ANO7: variants seen among roughly 807,000 people sequenced by gnomAD.
ANO7 encodes the protein anoctamin 7, also known as anoctamin-7.
ANO7 carries 114 observed loss-of-function variants against 115.8 expected under a neutral mutation model. The ratio of observed to expected loss-of-function variants is 0.98; its 90% CI spans 0.85 to 1.15. The LOEUF is 1.15. Ranked by LOEUF, ANO7 falls within the 50% of genes most tolerant of loss-of-function variation. The pLI is 0.00. For synonymous variants in ANO7, 550 were observed against 498.2 expected (o/e 1.10, Z -1.38); for missense variants, 1,302 against 1,201.2 (o/e 1.08, Z -1.24).
chr2:241,228,660 A>T (rs1237455731), downstream of ANO7: 1 of 152,648 alleles, frequency 6.6e-6, no homozygotes, highest in Non-Finnish European at 1.5e-5. Context: ...GGTGGCACTA[A>T]CTGCACAGAG....
At chr2:241,219,997 C>T (rs751125007) in intron 21 of ANO7, among the ~76,000 whole-genome samples, 1 of 152,192 alleles carries the variant, frequency 6.6e-6, no homozygotes, top group Non-Finnish European at 1.5e-5. Context: ...ATCTCTCCAT[C>T]TTATTATTGT....
intron 5 of ANO7, 92 bp downstream of exon 5, chr2:241,199,515 T>TCCTCCTACCCAC: frequency 7.5e-7 from 1 of 1,331,866 alleles, no homozygotes. Context: ...TCAGGAGGGC[T>TCCTCCTACCCAC]CCCTGCTCAG....
rs571489220 is a variant in ANO7 at position 241,209,226 on chromosome 2, G to C, written c.1078-59G>C. 4.8e-4 allele frequency: 718 copies of C among 1,503,206 alleles called. 9 individuals carry two copies. The South Asian group carries it at 5.7e-3, about 12-fold the overall frequency. 93.1% of individuals were successfully genotyped at this position (1,503,206 alleles called of 1,614,324 possible). A position where few individuals can be genotyped will look rare whatever the true frequency, so the allele number is the denominator to read the frequency against. ...CCCATTCCAGGAGGAAGGAACACTG[G>C]AAGGAACAAGGGGCCTCCAGTCCCA... On this transcript the variant is annotated intron_variant, in intron 11 of 24. Transcript: ENST00000674324.
chr2:241,189,924 G>A (rs930751142), intron 1 of ANO7, 133 bp from the exon 2 acceptor site: 23 of 654,426 alleles, frequency 3.5e-5, no homozygotes, highest in Non-Finnish European at 5.1e-5. Flanking sequence ...AGTCTGCCGA[G>A]CCAGCCCAGC....
intron 9 of ANO7, among the ~76,000 whole-genome samples, chr2:241,204,216 C>A (rs2068537889): frequency 6.6e-6 from 1 of 152,204 alleles, no homozygotes; most frequent in Non-Finnish European, 1.5e-5. Context: ...AGGCTGGGGG[C>A]TTCTGGGGGC....
chr2:241,207,186 G>A (rs1316751781), intron 10 of ANO7, among the ~76,000 whole-genome samples: 7 of 27,550 alleles, frequency 2.5e-4, no homozygotes, highest in Non-Finnish European at 4.3e-4. Context: ...GTGGTCAGGA[G>A]TGCTCCCAGT....
intron 3 of ANO7, among the ~76,000 whole-genome samples, chr2:241,191,472 A>G (rs993426847): frequency 2.6e-5 from 4 of 152,110 alleles, no homozygotes; most frequent in African/African-American, 9.7e-5. Context: ...GTGGGGCCGG[A>G]AGGGCTCTGG....
intron 15 of ANO7, 42 bp from the exon 16 acceptor site, chr2:241,212,052 G>C (rs867156701): frequency 1.3e-6 from 2 of 1,569,070 alleles, no homozygotes; most frequent in Non-Finnish European, 8.8e-7. Context: ...TTGGATGCTG[G>C]TGACTCCCCC....
chr2:241,189,507 G>A (rs1174288905), intron 1 of ANO7, among the ~76,000 whole-genome samples: 1 of 152,260 alleles, frequency 6.6e-6, no homozygotes, highest in East Asian at 1.9e-4. Context: ...CCCCCGGGGC[G>A]AAGGTGCGGG....
In ANO7 at chr2:241,203,288, G is replaced by A; in HGVS notation, c.724-45G>A. 2 of 1,447,876 alleles carry A rather than the reference G, an allele frequency of 1.4e-6. No individual in the cohort carries two copies. The highest frequency in any genetic ancestry group is 9.1e-7 in the Non-Finnish European group (1 of 1,094,048). 89.7% of individuals were successfully genotyped at this position (1,447,876 alleles called of 1,614,324 possible). On this transcript the variant is annotated intron_variant, in intron 8 of 24. Coordinates refer to ENST00000674324, the MANE Select transcript of ANO7 (RefSeq NM_001370694.2). This position sits in a 1 kb window ranked among gnomAD's most constrained non-coding sequence, Gnocchi z 4.8. The stretch of plus-strand genomic sequence containing the variant: ...CCTGCACCTACAACAGTGCCCAGTG[G>A]GGTCAGCTGGGGGAGCCTCCCACCC...
chr2:241,238,465 G>A, the ANO7 span: 1 of 465,900 alleles, frequency 2.1e-6, no homozygotes, highest in African/African-American at 2.0e-5. The surrounding 1 kb of genome is among the most constrained non-coding windows in gnomAD (Gnocchi z 4.9). Context: ...CACTCTGTCA[G>A]TAACTGACGT....
chr2:241,215,435 G>A (rs1479317579), intron 18 of ANO7, among the ~76,000 whole-genome samples: 2 of 152,208 alleles, frequency 1.3e-5, no homozygotes, highest in Non-Finnish European at 2.9e-5. Flanking sequence ...TGACCTGAAC[G>A]CCCTCCCAGC....
At chr2:241,214,215 G>GT (rs1444440378) in intron 17 of ANO7, among the ~76,000 whole-genome samples, 1 of 152,230 alleles carries the variant, frequency 6.6e-6, no homozygotes, top group African/African-American at 2.4e-5. Context: ...AACCCAGGAG[G>GT]TGGAGGCTGC....
chr2:241,210,286 C>T lies in ANO7; in HGVS notation c.1360-9C>T, dbSNP rs763630931. ...GTGAAGGGTCTCACGGGCCTCCCTG[C>T]CCCCGCAGGTGGCCGTGGTGGTCAT... On this transcript the variant is annotated splice_polypyrimidine_tract_variant and intron_variant, in intron 13 of 24. Transcript: ENST00000674324. 11 of 1,613,500 alleles carry T rather than the reference C, an allele frequency of 6.8e-6. No individual in the cohort carries two copies. The highest frequency in any genetic ancestry group is 1.3e-5 in the African/African-American group (1 of 75,058).
chr2:241,207,798 G>A (rs1212960286), intron 11 of ANO7, 128 bp downstream of exon 11: 7 of 778,656 alleles, frequency 9.0e-6, no homozygotes, highest in South Asian at 6.3e-5. Flanking sequence ...AAGGCAGAAC[G>A]CTCCATGAGC....
At chr2:241,231,122 C>T in the ANO7 span, 54 of 587,548 alleles carry the variant, frequency 9.2e-5, no homozygotes, top group African/African-American at 8.8e-4. Flanking sequence ...CGGTGGCTCA[C>T]GCCTGTAATC....
the ANO7 span, chr2:241,235,511 G>A: frequency 2.7e-5 from 44 of 1,613,768 alleles, no homozygotes; most frequent in Non-Finnish European, 3.6e-5. Flanking sequence ...CCATCATCTT[G>A]CGGATCCCAC....
At chr2:241,221,962 C>T (rs944564364) in intron 21 of ANO7, among the ~76,000 whole-genome samples, 2 of 152,094 alleles carry the variant, frequency 1.3e-5, no homozygotes, top group Non-Finnish European at 2.9e-5. Flanking sequence ...TGGCCGGGCG[C>T]GGGGGCTCAT....
rs1208771868 is a variant in ANO7 at position 241,203,349 on chromosome 2, C to T, written c.740C>T (p.Pro247Leu). 7.7e-6 allele frequency: 12 copies of T among 1,564,548 alleles called. No homozygotes were observed. The South Asian group carries it at 1.2e-4, about 15-fold the overall frequency. ...CGCCCCCAGGGCCCCTTCAAGACGC[C>T]CCCAGAGGGCCCGCAGGCTCCACGC... ...FPLHDGPFKT[P>L]PEGPQAPRLN... is the part of the protein sequence containing the mutation. Residue 247 changes from proline (P) to leucine (L), a missense_variant, in exon 9 of 25, where the codon CCC becomes CTC. Transcript: ENST00000674324. This position sits in a 1 kb window ranked among gnomAD's most constrained non-coding sequence, Gnocchi z 4.8.
Sources: gnomAD v4.1 joint callset for allele counts (sites outside exome capture counted in the v4.1 genomes callset) on GRCh38, gnomAD v4.1.1 for gene constraint, Gnocchi (gnomAD v3.1) non-coding constraint, MANE v1.5 for transcripts, NCBI Gene and HGNC (gene_info 2026-07-23, HGNC 2026-07-21) for gene names.